Variants in DOCK1 observed in about 807,000 individuals in gnomAD.
DOCK1 encodes dedicator of cytokinesis 1.
In DOCK1, 138 loss-of-function variants were observed where a neutral mutation model predicts 262.7. The observed-to-expected ratio is 0.53, with a 90% CI of 0.46 to 0.61. The LOEUF (loss-of-function observed/expected upper bound fraction) is 0.61. Ranked by LOEUF, DOCK1 falls within the 20% of genes least tolerant of loss-of-function variation. The pLI is 0.00. For missense variants in DOCK1, 1,908 were observed against 2,370.7 expected (o/e 0.80, Z 4.05); for synonymous variants, 866 against 867.4 (o/e 1.00, Z 0.03).
At chr10:126,964,084 A>G (rs1338394449) in intron 1 of DOCK1, among the ~76,000 whole-genome samples, 1 of 152,262 alleles carries the variant, frequency 6.6e-6, no homozygotes, top group East Asian at 1.9e-4. Context: ...ACAGTGGGTA[A>G]TGTTGGGTAC....
At chr10:127,039,910 C>T (rs2043906136) in intron 19 of DOCK1, among the ~76,000 whole-genome samples, 1 of 152,196 alleles carries the variant, frequency 6.6e-6, no homozygotes, top group African/African-American at 2.4e-5. Context: ...TGAACATGGT[C>T]TTAGAGAGAG....
At chr10:127,232,902 C>G (rs988022733) in intron 27 of DOCK1, among the ~76,000 whole-genome samples, 1 of 152,128 alleles carries the variant, frequency 6.6e-6, no homozygotes, top group African/African-American at 2.4e-5. Flanking sequence ...CCACTGCATG[C>G]TGTTAAGATC....
intron 27 of DOCK1, among the ~76,000 whole-genome samples, chr10:127,235,659 G>T (rs902947529): frequency 4.6e-5 from 7 of 152,060 alleles, no homozygotes; most frequent in Non-Finnish European, 1.0e-4. Flanking sequence ...AAGCAGCGTG[G>T]TTGGGTCATG....
chr10:127,083,075 G>C (rs559004904), intron 23 of DOCK1, among the ~76,000 whole-genome samples: 187 of 152,288 alleles, frequency 1.2e-3, no homozygotes, highest in African/African-American at 4.2e-3. Context: ...GACTCCCAGA[G>C]TCCTCTGCAA....
At chr10:127,408,953 C>A in intron 40 of DOCK1, 84 bp from the exon 41 acceptor site, 1 of 1,451,590 alleles carries the variant, frequency 6.9e-7, no homozygotes, top group Non-Finnish European at 9.1e-7. Flanking sequence ...ACCCGTAAGG[C>A]ATATTTTAAG....
At chr10:126,920,945 C>T (rs2033124350) in intron 1 of DOCK1, among the ~76,000 whole-genome samples, 1 of 152,110 alleles carries the variant, frequency 6.6e-6, no homozygotes, top group Admixed American at 6.5e-5. Context: ...ACCTGTAATC[C>T]CAGCACGTTG....
In DOCK1 at chr10:126,967,412, T is replaced by C. The variant is rs941078755; in HGVS notation, c.47-3290T>C. Among the ~76,000 whole-genome samples the C allele has an allele frequency of 3.0e-3, 457 of 152,324 alleles. 4 individuals are homozygous for C. Among genetic ancestry groups the C allele is most frequent in the African/African-American group, 0.01 (431 of 41,586 alleles). ...TGGGAACCACAGCCCTGGACTTGTC[T>C]GGGTTTAGGTGCCTGCAGTGGAGAC... is the stretch of plus-strand genomic sequence containing the variant. On this transcript the variant is annotated intron_variant, in intron 1 of 51. Transcript: ENST00000623213.
intron 7 of DOCK1, 31 bp downstream of exon 7, chr10:126,996,914 G>A (rs1353546306): frequency 7.8e-6 from 12 of 1,538,792 alleles, no homozygotes; most frequent in Middle Eastern, 1.7e-4. Context: ...TGCCATTCAC[G>A]TTTTCTCAGT....
intron 28 of DOCK1, among the ~76,000 whole-genome samples, chr10:127,249,182 T>G (rs1434372580): frequency 6.6e-6 from 1 of 151,986 alleles, no homozygotes; most frequent in East Asian, 1.9e-4. Flanking sequence ...TATTAAGAAA[T>G]GGGAAGAAGA....
intron 23 of DOCK1, among the ~76,000 whole-genome samples, chr10:127,087,992 C>T (rs992026611): frequency 1.3e-5 from 2 of 152,136 alleles, no homozygotes; most frequent in Non-Finnish European, 2.9e-5. Flanking sequence ...TTCTTGCCAG[C>T]GTTCGTATTT....
intron 1 of DOCK1, among the ~76,000 whole-genome samples, chr10:126,961,860 C>G (rs1385225866): frequency 6.6e-6 from 1 of 152,170 alleles, no homozygotes; most frequent in African/African-American, 2.4e-5. Flanking sequence ...GGGTAGGTAT[C>G]CAGAAGTGGA....
At position 127,451,739 on chromosome 10, in the gene DOCK1, A is replaced by G; in HGVS notation, c.*312A>G. On this transcript the variant is annotated 3_prime_UTR_variant, in exon 52 of 52. Coordinates refer to ENST00000623213, the MANE Select transcript of DOCK1 (RefSeq NM_001290223.2). The stretch of plus-strand genomic sequence containing the variant: ...CCAAACATTCTTTCTTTTTGTGCCA[A>G]ATGACTTGCATTTGCAAAGAGCTCA... 1 of 399,464 alleles carries G rather than the reference A, an allele frequency of 2.5e-6. No homozygotes were observed. The highest frequency in any genetic ancestry group is 4.4e-6 in the Non-Finnish European group (1 of 227,474). 24.7% of individuals were successfully genotyped at this position (399,464 alleles called of 1,614,324 possible).
At chr10:127,372,139 T>A (rs2065239748) in intron 33 of DOCK1, among the ~76,000 whole-genome samples, 1 of 152,212 alleles carries the variant, frequency 6.6e-6, no homozygotes, top group Admixed American at 6.5e-5. Flanking sequence ...GCTGAGTCCT[T>A]GATGTCAGGC....
At chr10:126,986,767 G>A (rs1181732853) in intron 4 of DOCK1, among the ~76,000 whole-genome samples, 3 of 152,050 alleles carry the variant, frequency 2.0e-5, no homozygotes, top group Admixed American at 6.6e-5. Flanking sequence ...AAAATTAGCC[G>A]GGCATGGTGG....
chr10:127,385,458 A>G (rs1302230977), intron 38 of DOCK1, among the ~76,000 whole-genome samples: 2 of 63,896 alleles, frequency 3.1e-5, no homozygotes, highest in Non-Finnish European at 5.9e-5. Flanking sequence ...CAGTTTCAGA[A>G]GTTTTTAAAA....
chr10:126,925,027 G>A (rs113521346), intron 1 of DOCK1, among the ~76,000 whole-genome samples: 3 of 152,136 alleles, frequency 2.0e-5, no homozygotes, highest in African/African-American at 4.8e-5. Context: ...GTCAACCCAC[G>A]TTTTTAAAAA....
intron 39 of DOCK1, among the ~76,000 whole-genome samples, chr10:127,403,575 C>T (rs1188336499): frequency 5.3e-5 from 8 of 152,136 alleles, no homozygotes; most frequent in East Asian, 3.9e-4. Flanking sequence ...CTGGCTAACA[C>T]GGTGAAACCC....
At chr10:127,260,007 G>C (rs1023807096) in intron 29 of DOCK1, among the ~76,000 whole-genome samples, 1 of 152,142 alleles carries the variant, frequency 6.6e-6, no homozygotes, top group African/African-American at 2.4e-5. Context: ...CAGAGACCCT[G>C]TCCAGCTTCT....
chr10:127,026,622 C>G (rs139207995), intron 16 of DOCK1, 198 bp downstream of exon 16: 7 of 603,862 alleles, frequency 1.2e-5, no homozygotes, highest in African/African-American at 1.1e-4. Flanking sequence ...ATTTCCTTCT[C>G]CAGTTCCTCC....
Sources: gnomAD v4.1 joint callset for allele counts (sites outside exome capture counted in the v4.1 genomes callset) on GRCh38, gnomAD v4.1.1 for gene constraint, MANE v1.5 for transcripts, NCBI Gene and HGNC (gene_info 2026-07-23, HGNC 2026-07-21) for gene names.